Variants in BAZ1B observed in about 807,000 individuals in gnomAD.
BAZ1B encodes tyrosine-protein kinase BAZ1B.
Under a neutral mutation model 153.8 loss-of-function variants are expected in BAZ1B, and 22 were observed. The ratio of observed to expected loss-of-function variants is 0.14; its 90% CI spans 0.10 to 0.20. The LOEUF is 0.20. BAZ1B is among the 10% of genes least tolerant of loss of function. BAZ1B has a pLI of 1.00. For missense variants in BAZ1B, 1,325 were observed against 1,799.3 expected, an observed-to-expected ratio of 0.74 and a Z score of 4.77; for synonymous variants, 676 against 633.4, an observed-to-expected ratio of 1.07 and a Z score of -1.01.
At chr7:73,489,040 C>T (rs1789530298) in intron 6 of BAZ1B, among the ~76,000 whole-genome samples, 154 bp downstream of exon 6, 1 of 152,188 alleles carries the variant, frequency 6.6e-6, no homozygotes, top group African/African-American at 2.4e-5. Context: ...ACCAACCTCA[C>T]ATAACAACCT....
chr7:73,471,581 C>T (rs1232646165), intron 7 of BAZ1B, among the ~76,000 whole-genome samples: 2 of 152,042 alleles, frequency 1.3e-5, no homozygotes, highest in African/African-American at 2.4e-5. Flanking sequence ...AACTTCTGGG[C>T]TCAAGCGATC....
chr7:73,457,255 G>T lies in BAZ1B; in HGVS notation c.3432+2281C>A, dbSNP rs546750288. Reference sequence around the variant, plus strand: ...TGCAGTGGCTCCATCTCTGCTCACTGTAGCATCAGCCTCCTGAGTTCAAGC... The same window carrying T: ...TGCAGTGGCTCCATCTCTGCTCACTTTAGCATCAGCCTCCTGAGTTCAAGC... On this transcript the variant is annotated intron_variant, in intron 13 of 19. Coordinates refer to ENST00000339594, the MANE Select transcript of BAZ1B (RefSeq NM_032408.4). Among the ~76,000 whole-genome samples, 19 of 152,170 alleles carry T rather than the reference G, an allele frequency of 1.2e-4. No individual in the cohort carries two copies. In the South Asian group the frequency reaches 2.5e-3, roughly 20 times the overall value.
intron 16 of BAZ1B, among the ~76,000 whole-genome samples, chr7:73,446,456 G>C (rs1021649381): frequency 4.0e-5 from 6 of 150,118 alleles, no homozygotes; most frequent in African/African-American, 1.5e-4. Flanking sequence ...GTGGTGGTGG[G>C]TGTCTGTATA....
chr7:73,475,207 A>G (rs1253746161), intron 7 of BAZ1B, among the ~76,000 whole-genome samples: 1 of 152,252 alleles, frequency 6.6e-6, no homozygotes, highest in African/African-American at 2.4e-5. Flanking sequence ...ATGACCCAAC[A>G]ATCTTATTCC....
intron 18 of BAZ1B, 44 bp downstream of exon 18, chr7:73,442,681 G>C: frequency 6.3e-7 from 1 of 1,592,270 alleles, no homozygotes; most frequent in South Asian, 1.1e-5. Flanking sequence ...TTTAGAACCA[G>C]CCAGGCCACT....
intron 12 of BAZ1B, among the ~76,000 whole-genome samples, chr7:73,462,282 G>C (rs1788423194): frequency 6.6e-6 from 1 of 152,162 alleles, no homozygotes; most frequent in Non-Finnish European, 1.5e-5. Flanking sequence ...TGAGGAATTT[G>C]AAAAGACCCA....
At chr7:73,494,539 G>A (rs567526917) in intron 4 of BAZ1B, among the ~76,000 whole-genome samples, 1 of 152,240 alleles carries the variant, frequency 6.6e-6, no homozygotes, top group South Asian at 2.1e-4. Context: ...GAGCCCAGGA[G>A]TTTAAATCAA....
At chr7:73,445,360 A>AC (rs1340360744) in intron 16 of BAZ1B, among the ~76,000 whole-genome samples, 1 of 152,148 alleles carries the variant, frequency 6.6e-6, no homozygotes, top group Admixed American at 6.5e-5. Context: ...AGGTGCTAGA[A>AC]CCTTGAGCTG....
chr7:73,452,111 T>C lies in BAZ1B; in HGVS notation c.3433-1117A>G, dbSNP rs142896862. Among the ~76,000 whole-genome samples, 430 of 152,330 alleles carry C rather than the reference T, an allele frequency of 2.8e-3. 2 individuals are homozygous for C. Among genetic ancestry groups the C allele is most frequent in the African/African-American group, 0.01 (420 of 41,568 alleles). Reference sequence around the variant, plus strand: ...TCATCTGACCTCATTAAAACTTTTTTTAAATTTGAAGGTGTTTTGGGAATA... The same window carrying C: ...TCATCTGACCTCATTAAAACTTTTTCTAAATTTGAAGGTGTTTTGGGAATA... On this transcript the variant is annotated intron_variant, in intron 13 of 19. Coordinates refer to ENST00000339594, the MANE Select transcript of BAZ1B (RefSeq NM_032408.4).
chr7:73,519,603 ATTG>A lies in BAZ1B; in HGVS notation c.107+2221_107+2223del, dbSNP rs1468569437. Among the ~76,000 whole-genome samples the A allele has an allele frequency of 5.9e-5, 9 of 152,336 alleles. No homozygotes were observed. The East Asian group carries it at 1.2e-3, about 20-fold the overall frequency. On this transcript the variant is annotated intron_variant, in intron 1 of 19. Transcript: ENST00000339594. ...AAAATGTTTCCGGTTTCAGTTTTAA[ATTG>A]TTACCATCAAAACTCTTCATATATA...
chr7:73,482,240 A>C (rs1789231305), intron 6 of BAZ1B, among the ~76,000 whole-genome samples: 2 of 152,226 alleles, frequency 1.3e-5, no homozygotes, highest in Non-Finnish European at 2.9e-5. Context: ...GCTAGGAAGA[A>C]TAAGCCAAGA....
chr7:73,505,295 A>G (rs1198228949), intron 3 of BAZ1B, among the ~76,000 whole-genome samples: 7 of 152,140 alleles, frequency 4.6e-5, no homozygotes, highest in Non-Finnish European at 1.0e-4. Context: ...ACATTTTTTC[A>G]CAACTCAGGG....
chr7:73,464,081 T>G, intron 11 of BAZ1B: 1 of 914,816 alleles, frequency 1.1e-6, no homozygotes, highest in Non-Finnish European at 1.3e-6. Context: ...TTTACTTAAT[T>G]TACACATTAA....
rs2116214618 is a variant in BAZ1B, at chr7:73,444,028, G to T, written c.3946C>A (p.Gln1316Lys). ...TCATCCACAGGTGGTGCCTTGGGCT[G>T]AGACCTCCTGGTAGAGTGTGGCTTC... ...GKKPHSTRRS[Q>K]PKAPPVDDAE... Residue 1316 changes from glutamine to lysine, a missense_variant, in exon 17 of 20, where the codon CAG becomes AAG. By Grantham distance (53) the Gln-to-Lys change is moderately conservative. Coordinates refer to ENST00000339594, the MANE Select transcript of BAZ1B (RefSeq NM_032408.4). The T allele has an allele frequency of 6.2e-7, 1 of 1,613,930 alleles. No homozygotes were observed. Among genetic ancestry groups the T allele is most frequent in the Middle Eastern group, 1.7e-4 (1 of 6,056 alleles).
intron 6 of BAZ1B, among the ~76,000 whole-genome samples, chr7:73,485,767 A>G (rs1191673512): frequency 6.6e-6 from 1 of 152,212 alleles, no homozygotes; most frequent in African/African-American, 2.4e-5. Flanking sequence ...TAAAATATTA[A>G]AATGTGTTAA....
At position 73,445,608 on chromosome 7, in the gene BAZ1B, C is replaced by T. The variant is rs116412714; in HGVS notation, c.3845-1479G>A. 2.3e-3 allele frequency among the ~76,000 whole-genome samples: 354 copies of T among 152,278 alleles called. 2 individuals carry two copies. The highest frequency in any genetic ancestry group is 8.2e-3 in the African/African-American group (340 of 41,542). ...CAGAGAGATCAGGCGCAGTGGCTCA[C>T]ACTTGTAATCCCAGCACTTCGGGAG... On this transcript the variant is annotated intron_variant, in intron 16 of 19. Coordinates refer to ENST00000339594, the MANE Select transcript of BAZ1B (RefSeq NM_032408.4).
At chr7:73,459,208 ACTGCACT>A (rs1788307069) in intron 13 of BAZ1B, among the ~76,000 whole-genome samples, 1 of 151,300 alleles carries the variant, frequency 6.6e-6, no homozygotes, top group Non-Finnish European at 1.5e-5. Flanking sequence ...AGATTGCACC[ACTGCACT>A]CCAGCCTGGT....
At chr7:73,507,492 G>A (rs1790391543) in intron 3 of BAZ1B, among the ~76,000 whole-genome samples, 2 of 152,084 alleles carry the variant, frequency 1.3e-5, no homozygotes, top group East Asian at 1.9e-4. Flanking sequence ...AGGTTGCAAT[G>A]AGCCAAGATC....
At chr7:73,509,646 A>G (rs977647229) in intron 2 of BAZ1B, among the ~76,000 whole-genome samples, 1 of 151,198 alleles carries the variant, frequency 6.6e-6, no homozygotes, top group Non-Finnish European at 1.5e-5. Flanking sequence ...GCTTGATCCC[A>G]GGAGCTATGT....
Sources: allele counts gnomAD v4.1 joint callset (sites outside exome capture counted in the v4.1 genomes callset), GRCh38; gene constraint gnomAD v4.1.1; transcripts MANE v1.5; gene names NCBI Gene and HGNC (gene_info 2026-07-23, HGNC 2026-07-21).